STK32A: variants seen among roughly 807,000 people sequenced by gnomAD.
STK32A encodes serine/threonine kinase 32A, also known as serine/threonine-protein kinase 32A.
A neutral mutation model predicts 53.2 loss-of-function variants in STK32A; 41 were observed. That is an observed-to-expected ratio of 0.77 (90% CI 0.60 to 1.00). STK32A has a LOEUF of 1.00. STK32A is among the 50% of genes least tolerant of loss of function. STK32A has a pLI of 0.00. For missense variants in STK32A, 458 were observed against 485.8 expected (o/e 0.94, Z 0.54); for synonymous variants, 166 against 162.8 (o/e 1.02, Z -0.15).
rs1406717485 is a variant in STK32A at position 147,310,355 on chromosome 5, C to A, written c.261-13543C>A. Among the ~76,000 whole-genome samples, 3 of 152,160 alleles carry A rather than the reference C, an allele frequency of 2.0e-5. No individual in the cohort carries two copies. The East Asian group carries it at 5.8e-4, about 29-fold the overall frequency. ...GTAATTCTAGTTCATCCCCCTCTGA[C>A]CTGCAATTCTGAACATGGTGTAGCT... On this transcript the variant is annotated intron_variant, in intron 4 of 12. Transcript: ENST00000397936.
chr5:147,238,523 G>A (rs993934113), intron 1 of STK32A, among the ~76,000 whole-genome samples: 4 of 152,276 alleles, frequency 2.6e-5, no homozygotes, highest in South Asian at 2.1e-4. Context: ...GAGCAAAGCC[G>A]TAGTTTTCAG....
At chr5:147,336,081 G>C (rs774487740) in intron 5 of STK32A, among the ~76,000 whole-genome samples, 1 of 152,122 alleles carries the variant, frequency 6.6e-6, no homozygotes, top group Non-Finnish European at 1.5e-5. Flanking sequence ...TTGTGTTTGA[G>C]ACTATTACCA....
At chr5:147,302,384 A>G (rs936183924) in intron 4 of STK32A, among the ~76,000 whole-genome samples, 2 of 152,182 alleles carry the variant, frequency 1.3e-5, no homozygotes, top group Non-Finnish European at 2.9e-5. Context: ...AAGGAATGGA[A>G]GTCAGAGTTC....
chr5:147,357,774 A>C (rs184526929), intron 7 of STK32A, among the ~76,000 whole-genome samples: 2 of 152,150 alleles, frequency 1.3e-5, no homozygotes, highest in African/African-American at 4.8e-5. Flanking sequence ...GACTGAACGG[A>C]TGTGGCAAGG....
intron 4 of STK32A, among the ~76,000 whole-genome samples, chr5:147,323,641 G>A (rs1449597099): frequency 1.3e-5 from 2 of 152,160 alleles, no homozygotes; most frequent in African/African-American, 2.4e-5. Flanking sequence ...AGTGCTTACT[G>A]TATGTCAAGC....
intron 6 of STK32A, among the ~76,000 whole-genome samples, chr5:147,349,490 A>G (rs1421460257): frequency 6.6e-6 from 1 of 152,176 alleles, no homozygotes; most frequent in Non-Finnish European, 1.5e-5. Flanking sequence ...TGTCATGCCA[A>G]CAGCTAACAT....
At chr5:147,236,310 T>C (rs572500041) in intron 1 of STK32A, among the ~76,000 whole-genome samples, 3 of 152,288 alleles carry the variant, frequency 2.0e-5, no homozygotes, top group East Asian at 3.9e-4. Context: ...CTCCTCCTTT[T>C]ACATTTCATA....
intron 2 of STK32A, among the ~76,000 whole-genome samples, chr5:147,255,615 T>C (rs1754196410): frequency 6.6e-6 from 1 of 152,206 alleles, no homozygotes; most frequent in East Asian, 1.9e-4. Flanking sequence ...GCAGTGTTGT[T>C]TGGGATGAAG....
chr5:147,293,544 G>A (rs1752713668), intron 4 of STK32A, among the ~76,000 whole-genome samples: 1 of 141,822 alleles, frequency 7.1e-6, no homozygotes, highest in South Asian at 2.3e-4. Context: ...TGGAAAGTTT[G>A]TCAAATATCA....
chr5:147,351,970 A>G (rs1756007749), intron 7 of STK32A, among the ~76,000 whole-genome samples: 1 of 152,248 alleles, frequency 6.6e-6, no homozygotes, highest in Admixed American at 6.5e-5. Flanking sequence ...TAGAGCTATA[A>G]ACTTTACAAA....
At chr5:147,313,379 C>T (rs1457801050) in intron 4 of STK32A, among the ~76,000 whole-genome samples, 2 of 152,152 alleles carry the variant, frequency 1.3e-5, no homozygotes, top group African/African-American at 4.8e-5. Flanking sequence ...ATGTGACATA[C>T]ATAAATTGCA....
chr5:147,401,401 G>T, the STK32A span: 1 of 998,544 alleles, frequency 1.0e-6, no homozygotes, highest in Non-Finnish European at 1.4e-6. Context: ...GCTCAAGACT[G>T]TAAAAGAATT....
At chr5:147,327,128 A>G (rs189278383) in intron 5 of STK32A, among the ~76,000 whole-genome samples, 1 of 152,318 alleles carries the variant, frequency 6.6e-6, no homozygotes, top group Non-Finnish European at 1.5e-5. Context: ...AAAAGTGTAC[A>G]TGGTAAAAGA....
chr5:147,258,789 GTTACAC>G (rs1175642338), intron 2 of STK32A, among the ~76,000 whole-genome samples: 1 of 151,676 alleles, frequency 6.6e-6, no homozygotes, highest in Non-Finnish European at 1.5e-5. Flanking sequence ...GATAATACAT[GTTACAC>G]TGTTAACTTT....
rs529498309 is a variant in STK32A at position 147,339,380 on chromosome 5, C to T, written c.435-3626C>T. 4.1e-3 allele frequency among the ~76,000 whole-genome samples: 621 copies of T among 152,326 alleles called. 2 individuals are homozygous for T. Among genetic ancestry groups the T allele is most frequent in the Non-Finnish European group, 5.5e-3 (373 of 68,024 alleles). On this transcript the variant is annotated intron_variant, in intron 5 of 12. Coordinates refer to ENST00000397936, the MANE Select transcript of STK32A (RefSeq NM_001112724.2). ...GGATTTCAGAGGATGTATGGAAATG[C>T]CTAGATGTCCCGACAGAGTTGTGCT...
At chr5:147,360,987 T>A (rs976088949) in intron 7 of STK32A, among the ~76,000 whole-genome samples, 2 of 152,138 alleles carry the variant, frequency 1.3e-5, no homozygotes, top group African/African-American at 4.8e-5. Context: ...AACCTTACAC[T>A]CTCCAGAATG....
intron 2 of STK32A, among the ~76,000 whole-genome samples, chr5:147,264,378 T>C (rs1413928890): frequency 6.6e-6 from 1 of 152,182 alleles, no homozygotes; most frequent in Non-Finnish European, 1.5e-5. Context: ...AAGATGACAA[T>C]GTGCCTGATG....
intron 10 of STK32A, 61 bp from the exon 11 acceptor site, chr5:147,375,029 C>T: frequency 1.3e-6 from 2 of 1,490,804 alleles, no homozygotes; most frequent in South Asian, 2.8e-5. Flanking sequence ...CGTATTAGGT[C>T]TGCTGTGTTT....
the STK32A span, chr5:147,397,670 C>T: frequency 1.9e-6 from 3 of 1,613,110 alleles, no homozygotes; most frequent in Non-Finnish European, 2.5e-6. Flanking sequence ...TTTTACCTTC[C>T]TCCGTGCTTT....
Sources: allele counts gnomAD v4.1 joint callset (sites outside exome capture counted in the v4.1 genomes callset), GRCh38; gene constraint gnomAD v4.1.1; transcripts MANE v1.5; gene names NCBI Gene and HGNC (gene_info 2026-07-23, HGNC 2026-07-21).